Variants in CSMD1 observed in about 807,000 individuals in gnomAD.
CSMD1 encodes CUB and Sushi multiple domains 1.
CSMD1 carries 213 observed loss-of-function variants against 417.5 expected under a neutral mutation model. The ratio of observed to expected loss-of-function variants is 0.51; its 90% CI spans 0.46 to 0.57. CSMD1 has a LOEUF of 0.57. Ranked by LOEUF, CSMD1 falls within the 20% of genes least tolerant of loss-of-function variation. The probability of loss-of-function intolerance (pLI) is 0.00; values close to 1 mark genes in which losing one functional copy is unlikely to be tolerated. For missense variants in CSMD1, 6,923 were observed against 4,529.7 expected (o/e 1.53, Z -15.17); for synonymous variants, 2,862 against 1,736.8 (o/e 1.65, Z -16.11).
At chr8:4,933,307 G>A (rs955067193) in intron 1 of CSMD1, among the ~76,000 whole-genome samples, 2 of 152,158 alleles carry the variant, frequency 1.3e-5, no homozygotes, top group Admixed American at 1.3e-4. Flanking sequence ...AACCTGTCCA[G>A]CTGTATAATC....
At chr8:4,024,537 G>C (rs532503497) in intron 4 of CSMD1, among the ~76,000 whole-genome samples, 1 of 152,138 alleles carries the variant, frequency 6.6e-6, no homozygotes, top group Non-Finnish European at 1.5e-5. Context: ...TAAATCAGAG[G>C]TCAAGTCAAT....
intron 2 of CSMD1, among the ~76,000 whole-genome samples, chr8:4,561,284 G>C (rs887151492): frequency 6.6e-6 from 1 of 152,174 alleles, no homozygotes; most frequent in Non-Finnish European, 1.5e-5. Context: ...TGAGGCAGGG[G>C]AATCGTTTGA....
At chr8:4,633,372 T>C (rs1384538902) in intron 2 of CSMD1, among the ~76,000 whole-genome samples, 1 of 150,352 alleles carries the variant, frequency 6.7e-6, no homozygotes, top group South Asian at 2.1e-4. Flanking sequence ...TCACCCTCCC[T>C]AGTAGCTGGG....
chr8:3,343,678 C>G (rs910241053), intron 22 of CSMD1, among the ~76,000 whole-genome samples: 5 of 152,102 alleles, frequency 3.3e-5, no homozygotes, highest in African/African-American at 1.2e-4. Context: ...TTGTTCAGAT[C>G]ATTTTATATT....
intron 26 of CSMD1, among the ~76,000 whole-genome samples, chr8:3,271,837 G>A (rs1205155829): frequency 6.6e-6 from 1 of 152,040 alleles, no homozygotes; most frequent in African/African-American, 2.4e-5. Flanking sequence ...TTAGCCCTTT[G>A]TCAGATGAGT....
At chr8:4,548,981 T>A (rs1797748892) in intron 2 of CSMD1, among the ~76,000 whole-genome samples, 1 of 152,358 alleles carries the variant, frequency 6.6e-6, no homozygotes, top group South Asian at 2.1e-4. Context: ...GAGACGCAAT[T>A]GTATTTTTTT....
At chr8:3,809,759 A>G (rs1207423107) in intron 5 of CSMD1, among the ~76,000 whole-genome samples, 1 of 152,170 alleles carries the variant, frequency 6.6e-6, no homozygotes, top group Non-Finnish European at 1.5e-5. Context: ...GAGTTGAGAC[A>G]ACAGGAAAGT....
chr8:3,028,872 A>T (rs1208747333), intron 51 of CSMD1, among the ~76,000 whole-genome samples: 1 of 152,198 alleles, frequency 6.6e-6, no homozygotes, highest in Non-Finnish European at 1.5e-5. Context: ...AAACTCACTG[A>T]AAGCTTTAAC....
chr8:3,488,086 G>GTAT (rs34188243), intron 11 of CSMD1, among the ~76,000 whole-genome samples: 32,687 of 148,142 alleles, frequency 0.22, 3,925 homozygotes, highest in African/African-American at 0.33. Context: ...GAAACTCATA[G>GTAT]TATTATTATT....
intron 3 of CSMD1, among the ~76,000 whole-genome samples, chr8:4,047,194 C>A (rs1397624201): frequency 6.6e-6 from 1 of 152,134 alleles, no homozygotes; most frequent in Non-Finnish European, 1.5e-5. Flanking sequence ...GCCAGATGCT[C>A]TGTAGTAACT....
intron 5 of CSMD1, among the ~76,000 whole-genome samples, chr8:3,949,743 A>T (rs1474474223): frequency 1.3e-5 from 2 of 152,172 alleles, no homozygotes; most frequent in African/African-American, 2.4e-5. Flanking sequence ...ACTTGATCCC[A>T]CCAGGATCTC....
At chr8:3,901,533 C>G (rs1163236012) in intron 5 of CSMD1, among the ~76,000 whole-genome samples, 4 of 152,208 alleles carry the variant, frequency 2.6e-5, no homozygotes, top group Non-Finnish European at 5.9e-5. Context: ...AACATGTACA[C>G]CAACCTGCCG....
At chr8:2,960,592 A>G (rs890826357) in intron 62 of CSMD1, among the ~76,000 whole-genome samples, 4 of 152,212 alleles carry the variant, frequency 2.6e-5, no homozygotes, top group African/African-American at 9.7e-5. Context: ...ATTAAAAGTC[A>G]AATGAACGTT....
intron 3 of CSMD1, among the ~76,000 whole-genome samples, chr8:4,080,655 G>A (rs1800082826): frequency 6.6e-6 from 1 of 152,094 alleles, no homozygotes. Context: ...AGCACGACAA[G>A]ACAAAAGTAA....
chr8:3,647,681 C>T (rs1291410212), intron 7 of CSMD1, among the ~76,000 whole-genome samples: 2 of 152,028 alleles, frequency 1.3e-5, no homozygotes, highest in Non-Finnish European at 2.9e-5. Flanking sequence ...AGTTTTAGTA[C>T]AGTTATTGTA....
intron 5 of CSMD1, among the ~76,000 whole-genome samples, chr8:3,873,697 A>C (rs1375164697): frequency 6.6e-6 from 1 of 152,192 alleles, no homozygotes; most frequent in African/African-American, 2.4e-5. Flanking sequence ...ACTTAAAATA[A>C]AAGTTAAAAA....
At chr8:4,906,627 C>G (rs955945712) in intron 1 of CSMD1, among the ~76,000 whole-genome samples, 2 of 151,652 alleles carry the variant, frequency 1.3e-5, no homozygotes, top group Non-Finnish European at 1.5e-5. Flanking sequence ...GGCACAATCT[C>G]AGCTGTGCAA....
chr8:3,306,337 A>G (rs1465088836), intron 25 of CSMD1, among the ~76,000 whole-genome samples: 2 of 152,102 alleles, frequency 1.3e-5, no homozygotes, highest in African/African-American at 2.4e-5. Context: ...CCATGCCCAG[A>G]TGCTTTTTGT....
At chr8:4,575,233 G>A (rs887900471) in intron 2 of CSMD1, among the ~76,000 whole-genome samples, 5 of 152,084 alleles carry the variant, frequency 3.3e-5, no homozygotes, top group African/African-American at 1.2e-4. Context: ...TACAGTTACT[G>A]TCTCCTTTTA....
Sources: gnomAD v4.1 joint callset for allele counts (sites outside exome capture counted in the v4.1 genomes callset) on GRCh38, gnomAD v4.1.1 for gene constraint, MANE v1.5 for transcripts, NCBI Gene and HGNC (gene_info 2026-07-23, HGNC 2026-07-21) for gene names.